Variants in SHLD2 observed in about 807,000 individuals in gnomAD.
SHLD2 encodes the protein RINN1-REV7-interacting novel NHEJ regulator 2.
In SHLD2, 30 loss-of-function variants were observed where a neutral mutation model predicts 73.2. That is an observed-to-expected ratio of 0.41 (90% CI 0.31 to 0.56). The LOEUF (loss-of-function observed/expected upper bound fraction) is 0.56, where lower values mean the gene tolerates loss of function less well. Among genes scored for constraint, SHLD2 ranks in the 20% least tolerant of loss-of-function variants. SHLD2 has a pLI of 0.28. For synonymous variants in SHLD2, 285 were observed against 370.1 expected (o/e 0.77, Z 2.64); for missense variants, 745 against 1,055.9 (o/e 0.71, Z 4.08).
chr10:87,124,279 G>A (rs1843828400), intron 2 of SHLD2, among the ~76,000 whole-genome samples: 2 of 151,890 alleles, frequency 1.3e-5, no homozygotes, highest in Admixed American at 1.3e-4. Flanking sequence ...GCTCATGCCT[G>A]TAATCCCAGC....
At chr10:87,150,334 G>A (rs544352540) in intron 2 of SHLD2, among the ~76,000 whole-genome samples, 3 of 151,984 alleles carry the variant, frequency 2.0e-5, no homozygotes, top group South Asian at 2.1e-4. Flanking sequence ...AAAGTGCTGC[G>A]ATTACAGGCA....
At chr10:87,120,396 C>T (rs1424257009) in intron 2 of SHLD2, among the ~76,000 whole-genome samples, 11 of 152,018 alleles carry the variant, frequency 7.2e-5, no homozygotes, top group South Asian at 2.1e-4. Context: ...TACAGGTGCC[C>T]GCCACCACGC....
chr10:87,165,440 G>A (rs1248912035), intron 4 of SHLD2, among the ~76,000 whole-genome samples: 2 of 152,148 alleles, frequency 1.3e-5, no homozygotes, highest in Admixed American at 1.3e-4. Flanking sequence ...AATATCACCA[G>A]TAATAAGATG....
chr10:87,166,593 G>C (rs951145944), intron 4 of SHLD2, among the ~76,000 whole-genome samples: 30 of 152,170 alleles, frequency 2.0e-4, no homozygotes, highest in African/African-American at 7.2e-4. Flanking sequence ...AAAAATCCTC[G>C]TAAGATTTCA....
Position 87,148,924 on chromosome 10 carries a change from C to A in SHLD2, c.-5-2426C>A, listed in dbSNP as rs1042838247. 6.1e-5 allele frequency among the ~76,000 whole-genome samples: 9 copies of A among 147,212 alleles called. No homozygotes were observed. The Admixed American group carries it at 6.2e-4, about 10-fold the overall frequency. On this transcript the variant is annotated intron_variant, in intron 2 of 9. Transcript: ENST00000298786. ...TTTCTGAGGCAGAGTCTCACTCTGT[C>A]ACCCAGGCTGGAGTGCTGGAGTGCA... is the stretch of plus-strand genomic sequence containing the variant.
At chr10:87,115,310 CA>C (rs1223936202) in intron 2 of SHLD2, 2 of 152,306 alleles carry the variant, frequency 1.3e-5, no homozygotes, top group East Asian at 3.9e-4. Flanking sequence ...CTCGGCCTCC[CA>C]AAGTGTTTGG....
At chr10:87,176,764 C>T (rs1847976614) in intron 7 of SHLD2, among the ~76,000 whole-genome samples, 1 of 152,296 alleles carries the variant, frequency 6.6e-6, no homozygotes, top group East Asian at 1.9e-4. Context: ...TATCATAAAA[C>T]TATGCTAAGG....
At chr10:87,186,224 T>A (rs1303428080) in intron 8 of SHLD2, among the ~76,000 whole-genome samples, 1 of 152,070 alleles carries the variant, frequency 6.6e-6, no homozygotes. Flanking sequence ...AAGGGGGAAG[T>A]GGGTTTTTAG....
intron 6 of SHLD2, among the ~76,000 whole-genome samples, chr10:87,174,941 C>T (rs990202876): frequency 2.1e-4 from 32 of 151,788 alleles, no homozygotes; most frequent in African/African-American, 7.5e-4. Flanking sequence ...CGGTGAAACC[C>T]CGTCTCTACT....
At chr10:87,147,401 G>T (rs1424261441) in intron 2 of SHLD2, among the ~76,000 whole-genome samples, 12 of 151,808 alleles carry the variant, frequency 7.9e-5, no homozygotes, top group Non-Finnish European at 1.6e-4. Flanking sequence ...ATTTAGGAAA[G>T]AGTAATGTTC....
chr10:87,191,028 A>G lies in SHLD2; in HGVS notation c.*345A>G, dbSNP rs1849032434. ...TACTAAGTATGGGGAACCACAGAGAAGACATTCCCTCAGAAACTGCTGCAG... is the reference window on the plus strand; with the variant it reads ...TACTAAGTATGGGGAACCACAGAGAGGACATTCCCTCAGAAACTGCTGCAG... On this transcript the variant is annotated 3_prime_UTR_variant, in exon 10 of 10. Transcript: ENST00000298786. 6.9e-6 allele frequency: 2 copies of G among 289,852 alleles called. No individual in the cohort carries two copies. Among genetic ancestry groups the G allele is most frequent in the Admixed American group, 4.9e-5 (1 of 20,268 alleles). 18.0% of individuals were successfully genotyped at this position (289,852 alleles called of 1,614,324 possible).
intron 4 of SHLD2, among the ~76,000 whole-genome samples, chr10:87,160,656 T>C (rs1169104672): frequency 1.3e-5 from 2 of 152,042 alleles, no homozygotes; most frequent in Non-Finnish European, 2.9e-5. Flanking sequence ...CTGCAACTAT[T>C]CATCTTATAC....
At chr10:87,104,055 G>A (rs1589424937) in intron 2 of SHLD2, among the ~76,000 whole-genome samples, 1 of 151,510 alleles carries the variant, frequency 6.6e-6, no homozygotes, top group Admixed American at 6.6e-5. Context: ...CCAACATGGT[G>A]AAACCCCGTC....
chr10:87,136,296 C>T (rs1005218172), intron 2 of SHLD2, among the ~76,000 whole-genome samples: 2 of 151,562 alleles, frequency 1.3e-5, no homozygotes, highest in African/African-American at 2.4e-5. Context: ...CTTTCTGGCA[C>T]TACAAGATGC....
At chr10:87,167,398 G>A (rs1207704021) in intron 4 of SHLD2, among the ~76,000 whole-genome samples, 2 of 152,108 alleles carry the variant, frequency 1.3e-5, no homozygotes, top group East Asian at 3.9e-4. Flanking sequence ...TTGATGTAGG[G>A]AAATGGCTAC....
At chr10:87,133,677 A>C (rs1224817133) in intron 2 of SHLD2, among the ~76,000 whole-genome samples, 2 of 152,262 alleles carry the variant, frequency 1.3e-5, no homozygotes, top group Non-Finnish European at 2.9e-5. Flanking sequence ...ACAGAACGAT[A>C]TAGCTGGAAA....
intron 4 of SHLD2, among the ~76,000 whole-genome samples, chr10:87,169,323 A>G (rs1282271007): frequency 6.6e-6 from 1 of 152,198 alleles, no homozygotes; most frequent in Non-Finnish European, 1.5e-5. Context: ...GTCTGGTAGT[A>G]TTACGTGTGG....
In SHLD2 at chr10:87,182,658, C is replaced by T. The variant is rs760015109; in HGVS notation, c.2399+2355C>T. 1.4e-4 allele frequency among the ~76,000 whole-genome samples: 21 copies of T among 152,084 alleles called. 1 individual carries two copies. The highest frequency in any genetic ancestry group is 2.8e-4 in the Non-Finnish European group (19 of 68,024). ...ATTTTTCTGTACTAGAAGCAAAAAA[C>T]CCCAGCAGGTCAAACCACAATTAAG... On this transcript the variant is annotated intron_variant, in intron 8 of 9. Transcript: ENST00000298786.
At chr10:87,130,863 G>C (rs1439191056) in intron 2 of SHLD2, among the ~76,000 whole-genome samples, 1 of 152,134 alleles carries the variant, frequency 6.6e-6, no homozygotes, top group Middle Eastern at 3.2e-3. Context: ...TTGCGTCTGG[G>C]AGTTTGAGAG....
Sources: gnomAD v4.1 joint callset for allele counts (sites outside exome capture counted in the v4.1 genomes callset) on GRCh38, gnomAD v4.1.1 for gene constraint, MANE v1.5 for transcripts, NCBI Gene and HGNC (gene_info 2026-07-23, HGNC 2026-07-21) for gene names.